The following SEMA3D variants were observed in gnomAD, a reference collection of about 807,000 sequenced individuals.
The protein encoded by SEMA3D is semaphorin-3D.
Under a neutral mutation model 100.1 loss-of-function variants are expected in SEMA3D, and 84 were observed. The observed-to-expected ratio is 0.84, with a 90% confidence interval of 0.70 to 1.01. The LOEUF is 1.01. Ranked by LOEUF, SEMA3D falls within the 50% of genes least tolerant of loss-of-function variation. The pLI is 0.00. For missense variants in SEMA3D, 875 were observed against 934.1 expected, an observed-to-expected ratio of 0.94 and a Z score of 0.82; for synonymous variants, 312 against 320.7, an observed-to-expected ratio of 0.97 and a Z score of 0.29.
chr7:85,109,485 T>G (rs1789027199), intron 3 of SEMA3D, among the ~76,000 whole-genome samples: 1 of 151,980 alleles, frequency 6.6e-6, no homozygotes, highest in Admixed American at 6.6e-5. Context: ...CTGAAGTATT[T>G]ATCTTAATTT....
chr7:85,163,991 T>C (rs1279152400), intron 1 of SEMA3D, among the ~76,000 whole-genome samples: 1 of 152,144 alleles, frequency 6.6e-6, no homozygotes, highest in Non-Finnish European at 1.5e-5. Context: ...ATCACCAATC[T>C]TTTTTGAATG....
rs73705903 is a variant in SEMA3D, at chr7:85,177,062, G to A, written c.-173+9616C>T. On this transcript the variant is annotated intron_variant, in intron 1 of 18. Transcript: ENST00000284136. ...AATAGGCTATACCATCTAGGTTTGC[G>A]TAGGTTCATTCTATGATGTTTGCAC... Among the ~76,000 whole-genome samples the A allele has an allele frequency of 4.2e-3, 635 of 152,172 alleles. 7 individuals carry two copies. The highest frequency in any genetic ancestry group is 0.015 in the African/African-American group (607 of 41,542).
chr7:85,229,420 A>G, the SEMA3D span, among the ~76,000 whole-genome samples: 1 of 152,066 alleles, frequency 6.6e-6, no homozygotes, highest in Non-Finnish European at 1.5e-5. Flanking sequence ...TAAAAATTCT[A>G]CATATTCAAT....
At chr7:85,143,634 T>C (rs1790117491) in intron 2 of SEMA3D, among the ~76,000 whole-genome samples, 1 of 152,082 alleles carries the variant, frequency 6.6e-6, no homozygotes, top group Admixed American at 6.6e-5. Context: ...GAAAAGTTGT[T>C]ATGCAGCACA....
chr7:85,222,244 T>C, the SEMA3D span, among the ~76,000 whole-genome samples: 1,281 of 152,128 alleles, frequency 8.4e-3, 20 homozygotes, highest in African/African-American at 0.029. Context: ...TAAATAAAGC[T>C]GTTTTCAAAG....
intron 1 of SEMA3D, among the ~76,000 whole-genome samples, chr7:85,164,017 ACT>A (rs1790821951): frequency 1.3e-5 from 2 of 151,920 alleles, no homozygotes; most frequent in African/African-American, 2.4e-5. Flanking sequence ...TATGAAATAA[ACT>A]CTACACATCT....
At chr7:85,021,134 T>C (rs933662210) in intron 13 of SEMA3D, among the ~76,000 whole-genome samples, 9 of 151,878 alleles carry the variant, frequency 5.9e-5, no homozygotes, top group East Asian at 2.0e-4. Flanking sequence ...ATAATAATGA[T>C]CCTGTTCGCA....
intron 2 of SEMA3D, among the ~76,000 whole-genome samples, chr7:85,130,429 T>G (rs1238610448): frequency 2.6e-5 from 4 of 152,216 alleles, no homozygotes; most frequent in Non-Finnish European, 5.9e-5. Context: ...AATGCAACTG[T>G]TCCAACCCAC....
intron 4 of SEMA3D, among the ~76,000 whole-genome samples, chr7:85,092,982 T>C (rs1402844995): frequency 6.6e-6 from 1 of 152,084 alleles, no homozygotes; most frequent in Non-Finnish European, 1.5e-5. Context: ...CAAGGCTATC[T>C]ACTGAAAGAA....
At chr7:85,119,546 G>T (rs1230443333) in intron 3 of SEMA3D, among the ~76,000 whole-genome samples, 1 of 152,032 alleles carries the variant, frequency 6.6e-6, no homozygotes, top group Non-Finnish European at 1.5e-5. Flanking sequence ...CTTATAAGTG[G>T]GAACTAACCA....
intron 2 of SEMA3D, chr7:85,143,286 A>G (rs1790108110): frequency 2.2e-6 from 1 of 452,222 alleles, no homozygotes; most frequent in South Asian, 9.5e-5. Flanking sequence ...GATTAAAAAT[A>G]AGAATAGCAT....
chr7:85,042,520 G>T (rs1790892626), intron 9 of SEMA3D, among the ~76,000 whole-genome samples: 1 of 152,144 alleles, frequency 6.6e-6, no homozygotes, highest in Admixed American at 6.6e-5. Context: ...TCTATTGGAT[G>T]AGTAGATGCA....
intron 1 of SEMA3D, chr7:85,167,477 T>C (rs1278554168): frequency 2.7e-5 from 17 of 633,282 alleles, no homozygotes; most frequent in Non-Finnish European, 3.3e-5. Flanking sequence ...CTATTTGTGG[T>C]AGATTAGTAA....
chr7:85,078,345 A>G (rs1289457222), intron 5 of SEMA3D, among the ~76,000 whole-genome samples: 1 of 151,970 alleles, frequency 6.6e-6, no homozygotes, highest in African/African-American at 2.4e-5. Flanking sequence ...GGAAGGAAAG[A>G]AGGAAGGGAA....
chr7:85,219,598 C>T, the SEMA3D span, among the ~76,000 whole-genome samples: 1 of 151,846 alleles, frequency 6.6e-6, no homozygotes, highest in Admixed American at 6.6e-5. Context: ...AGATTTCTAA[C>T]AGAAGGATAC....
chr7:85,230,797 G>A, the SEMA3D span, among the ~76,000 whole-genome samples: 1 of 152,070 alleles, frequency 6.6e-6, no homozygotes, highest in African/African-American at 2.4e-5. Context: ...ACTTCCTCAT[G>A]CAACCGTTAA....
At chr7:85,023,770 C>A (rs1292701340) in intron 12 of SEMA3D, among the ~76,000 whole-genome samples, 1 of 151,710 alleles carries the variant, frequency 6.6e-6, no homozygotes, top group East Asian at 2.0e-4. Flanking sequence ...TTGACTTTGA[C>A]CCCAAATTTT....
intron 3 of SEMA3D, among the ~76,000 whole-genome samples, chr7:85,111,936 A>T (rs144557779): frequency 3.0e-4 from 46 of 152,204 alleles, no homozygotes; most frequent in African/African-American, 1.0e-3. Context: ...TATCTGCATG[A>T]CTAGCTTAAG....
Position 85,068,260 on chromosome 7 carries a change from G to T in SEMA3D, c.520C>A (p.His174Asn). ...TTCAGTCTGCCAGACTCCAAATTAT[G>T]TGTGTCTAGTTTGAATATAATATCC... Reference protein sequence around the residue: ...KEDIIFKLDTHNLESGRLKCP... With the variant: ...KEDIIFKLDTNNLESGRLKCP... The change falls in exon 7 of 19, where the codon CAT becomes AAT. Residue 174 changes from histidine (H) to asparagine (N), a missense_variant. By Grantham distance (68) the His-to-Asn change is moderately conservative (BLOSUM62 1). Coordinates refer to ENST00000284136, the MANE Select transcript of SEMA3D (RefSeq NM_001384900.1). The T allele has an allele frequency of 6.3e-7, 1 of 1,598,400 alleles. No homozygotes were observed. The highest frequency in any genetic ancestry group is 8.6e-7 in the Non-Finnish European group (1 of 1,165,930).
Sources: gnomAD v4.1 joint callset for allele counts (sites outside exome capture counted in the v4.1 genomes callset) on GRCh38, gnomAD v4.1.1 for gene constraint, MANE v1.5 for transcripts, NCBI Gene and HGNC (gene_info 2026-07-23, HGNC 2026-07-21) for gene names.